Variants in WNK3 observed in about 807,000 individuals in gnomAD.
WNK3 encodes serine/threonine-protein kinase WNK3.
In WNK3, 18 loss-of-function variants were observed where a neutral mutation model predicts 116.7. The ratio of observed to expected loss-of-function variants is 0.15; its 90% CI spans 0.11 to 0.23. The LOEUF is 0.23. WNK3 is among the 10% of genes least tolerant of loss of function. WNK3 has a pLI of 1.00. For missense variants in WNK3, 993 were observed against 1,323.8 expected (o/e 0.75, Z 3.88); for synonymous variants, 404 against 469.4 (o/e 0.86, Z 1.80).
In WNK3 at chrX:54,237,566, C is replaced by T. The variant is rs781928175; in HGVS notation, c.4015-15G>A. 76 of 1,147,213 alleles carry T rather than the reference C, an allele frequency of 6.6e-5. No individual in the cohort carries two copies. The highest frequency in any genetic ancestry group is 2.9e-4 in the Middle Eastern group (1 of 3,497). The allele number at this position is 1,147,213 out of a possible 1,213,427, so 94.5% of individuals were successfully genotyped here. A position where few individuals can be genotyped will look rare whatever the true frequency, so the allele number is the denominator to read the frequency against. ...ATTGTAATCACCTGAGATATAAAAA[C>T]GTAAAAGTGGTTAGCATAGCACAGA... On this transcript the variant is annotated splice_polypyrimidine_tract_variant and intron_variant, in intron 19 of 23. Coordinates refer to ENST00000354646, the Ensembl canonical transcript of WNK3.
At chrX:54,271,006 T>A (rs1450210067) in intron 10 of WNK3, among the ~76,000 whole-genome samples, 3 of 111,914 alleles carry the variant, frequency 2.7e-5, no homozygotes, top group African/African-American at 9.7e-5. Context: ...CTTGAACTCC[T>A]GACCTCAGGT....
intron 10 of WNK3, among the ~76,000 whole-genome samples, chrX:54,265,686 A>G (rs1603385171): frequency 8.9e-6 from 1 of 112,407 alleles, no homozygotes; most frequent in African/African-American, 3.2e-5. Context: ...GCTTCCTACA[A>G]TAAGAAAAAG....
intron 20 of WNK3, among the ~76,000 whole-genome samples, chrX:54,236,631 C>T (rs2334109): frequency 0.016 from 1,734 of 111,287 alleles, 38 homozygotes; most frequent in Admixed American, 0.077. Context: ...GTTTACTTAT[C>T]AAATGTGAAA....
At chrX:54,242,999 T>TG (rs202101605) in intron 17 of WNK3, among the ~76,000 whole-genome samples, 42 of 110,286 alleles carry the variant, frequency 3.8e-4, no homozygotes, top group East Asian at 8.6e-4. Context: ...TTTATAGAGA[T>TG]GGGGGGTCTC....
chrX:54,249,560 C>T, exon 17 of WNK3: 2 of 1,211,491 alleles, frequency 1.7e-6, no homozygotes, highest in South Asian at 1.8e-5. Flanking sequence ...GTGAAAAGTG[C>T]ACGGTGGCAT....
At chrX:54,282,244 T>G (rs375967497) in intron 10 of WNK3, among the ~76,000 whole-genome samples, 5 of 109,831 alleles carry the variant, frequency 4.6e-5, no homozygotes, top group Admixed American at 9.9e-5. Flanking sequence ...GAGGTCTCAC[T>G]ATGTTGCCCA....
chrX:54,293,333 A>G lies in WNK3; in HGVS notation c.1694-6T>C. 6.8e-6 allele frequency: 8 copies of G among 1,181,072 alleles called. No homozygotes were observed. Among genetic ancestry groups the G allele is most frequent in the Non-Finnish European group, 9.1e-6 (8 of 881,632 alleles). On this transcript the variant is annotated splice_region_variant and splice_polypyrimidine_tract_variant and intron_variant, in intron 8 of 23. Coordinates refer to ENST00000354646, the Ensembl canonical transcript of WNK3. Reference sequence around the variant, plus strand: ...TGCCTCAGACAAATTGTCACCTATAAAAAAAGAAAATAAGTAACAGGTAGA... The same window carrying G: ...TGCCTCAGACAAATTGTCACCTATAGAAAAAGAAAATAAGTAACAGGTAGA...
Position 54,239,115 on chromosome X carries a change from CA to C in WNK3, c.3652-17del, listed in dbSNP as rs782799421. ...AGGACATCTCCTAATGGAGACAAAA[CA>C]AAACAAAACAAAACAAAACAAAACA... On this transcript the variant is annotated splice_polypyrimidine_tract_variant and intron_variant, in intron 17 of 23. Transcript: ENST00000354646. 2.8e-6 allele frequency: 2 copies of C among 714,268 alleles called. No individual in the cohort carries two copies. Among genetic ancestry groups the C allele is most frequent in the Non-Finnish European group, 3.7e-6 (2 of 545,990 alleles). The allele number at this position is 714,268 out of a possible 1,213,427, so 58.9% of individuals were successfully genotyped here.
intron 2 of WNK3, among the ~76,000 whole-genome samples, chrX:54,312,634 C>T (rs1557169927): frequency 1.8e-5 from 2 of 110,000 alleles, no homozygotes; most frequent in African/African-American, 6.6e-5. Context: ...GATGGGGTTT[C>T]ACCATGTTGA....
At chrX:54,321,042 A>G (rs974810021) in intron 2 of WNK3, among the ~76,000 whole-genome samples, 11 of 109,525 alleles carry the variant, frequency 1.0e-4, no homozygotes, top group African/African-American at 3.0e-4. Flanking sequence ...GATTACAGGC[A>G]TGCGCCACCA....
exon 14 of WNK3, chrX:54,251,632 C>T: frequency 8.3e-7 from 1 of 1,210,806 alleles, no homozygotes; most frequent in Middle Eastern, 2.3e-4. Context: ...TACAATAGCT[C>T]TCAATTCTTC....
At chrX:54,250,776 C>T (rs1557153978) in intron 15 of WNK3, among the ~76,000 whole-genome samples, 1 of 110,863 alleles carries the variant, frequency 9.0e-6, no homozygotes, top group African/African-American at 3.3e-5. Flanking sequence ...CTTTACGTTC[C>T]TGTAATTTCT....
intron 1 of WNK3, among the ~76,000 whole-genome samples, chrX:54,353,229 C>A (rs2069542975): frequency 9.0e-6 from 1 of 111,460 alleles, no homozygotes; most frequent in Non-Finnish European, 1.9e-5. Context: ...GAAGTCAAGA[C>A]AGGCGGATCA....
At chrX:54,229,235 A>G (rs1361130395) in intron 21 of WNK3, among the ~76,000 whole-genome samples, 1 of 110,999 alleles carries the variant, frequency 9.0e-6, no homozygotes, top group Non-Finnish European at 1.9e-5. Flanking sequence ...AAAACTATAA[A>G]AAGCAGATAA....
At chrX:54,312,972 T>C (rs2068905031) in intron 2 of WNK3, among the ~76,000 whole-genome samples, 1 of 111,336 alleles carries the variant, frequency 9.0e-6, no homozygotes, top group Non-Finnish European at 1.9e-5. Context: ...AATGAAGATA[T>C]TTTAGGCTAT....
At chrX:54,198,323 T>C (rs1381037597) in exon 24 of WNK3, 1 of 1,172,783 alleles carries the variant, frequency 8.5e-7, no homozygotes, top group Non-Finnish European at 1.1e-6. Context: ...TCTACTCTGA[T>C]TCATTTAGGA....
At chrX:54,273,399 C>T (rs1461634157) in intron 10 of WNK3, among the ~76,000 whole-genome samples, 3 of 111,490 alleles carry the variant, frequency 2.7e-5, no homozygotes, top group Non-Finnish European at 5.6e-5. Context: ...TTGAGACCAG[C>T]CTGGCCAACA....
At chrX:54,205,180 A>G (rs1343385141) in intron 22 of WNK3, among the ~76,000 whole-genome samples, 2 of 110,189 alleles carry the variant, frequency 1.8e-5, no homozygotes, top group African/African-American at 6.6e-5. Context: ...ACGCTACTGC[A>G]CTCCAGCCTG....
intron 10 of WNK3, among the ~76,000 whole-genome samples, chrX:54,270,308 T>C (rs1401530267): frequency 9.1e-6 from 1 of 110,098 alleles, no homozygotes; most frequent in African/African-American, 3.3e-5. Context: ...TTTCTCCACG[T>C]TGGTCAGGCT....
Sources: allele counts gnomAD v4.1 joint callset (sites outside exome capture counted in the v4.1 genomes callset), GRCh38; gene constraint gnomAD v4.1.1; transcripts MANE v1.5; gene names NCBI Gene and HGNC (gene_info 2026-07-23, HGNC 2026-07-21).